PCNX2: variants seen among roughly 807,000 people sequenced by gnomAD.
PCNX2 encodes the protein pecanex-like protein 2.
In PCNX2, 168 loss-of-function variants were observed where a neutral mutation model predicts 223.8. The ratio of observed to expected loss-of-function variants is 0.75; its 90% CI spans 0.66 to 0.85. The LOEUF (loss-of-function observed/expected upper bound fraction) is 0.85. Among genes scored for constraint, PCNX2 ranks in the 40% least tolerant of loss-of-function variants. The pLI is 0.00. For missense variants in PCNX2, 2,507 were observed against 2,675.5 expected (o/e 0.94, Z 1.39); for synonymous variants, 1,006 against 1,052.6 (o/e 0.96, Z 0.86).
Position 233,090,156 on chromosome 1 carries a change from T to C in PCNX2, c.3981A>G (p.Thr1327=). 6.2e-7 allele frequency: 1 copy of C among 1,613,812 alleles called. No homozygotes were observed. Among genetic ancestry groups the C allele is most frequent in the Non-Finnish European group, 8.5e-7 (1 of 1,179,800 alleles). The change falls in exon 23 of 34, where the codon ACA becomes ACG. Residue 1327 remains threonine (T), a synonymous_variant. Coordinates refer to ENST00000258229, the MANE Select transcript of PCNX2 (RefSeq NM_014801.4). ...GGCTCAATGGGGTAGAAAAGATTGATGTGGCAATCGTCTGAAAGAAAAGCA... is the reference window on the plus strand; with the variant it reads ...GGCTCAATGGGGTAGAAAAGATTGACGTGGCAATCGTCTGAAAGAAAAGCA... The part of the protein sequence containing the change: ...SAMLFFQTIA[T]SIFSTPLSPF...
intron 25 of PCNX2, among the ~76,000 whole-genome samples, chr1:233,030,730 T>G (rs1395603644): frequency 6.6e-6 from 1 of 152,264 alleles, no homozygotes; most frequent in Non-Finnish European, 1.5e-5. Flanking sequence ...CAGCAAGGTC[T>G]CCTCACTGGC....
the PCNX2 span, among the ~76,000 whole-genome samples, chr1:233,324,507 G>T: frequency 6.6e-6 from 1 of 151,564 alleles, no homozygotes; most frequent in Non-Finnish European, 1.5e-5. Flanking sequence ...GGGCCCTTAA[G>T]AATTATGCTA....
intron 12 of PCNX2, among the ~76,000 whole-genome samples, chr1:233,211,509 A>G (rs555652873): frequency 6.6e-6 from 1 of 152,260 alleles, no homozygotes; most frequent in African/African-American, 2.4e-5. Flanking sequence ...CATCCCAGAC[A>G]CTGAGTGTCC....
chr1:233,271,471 C>T (rs545005405), intron 1 of PCNX2, among the ~76,000 whole-genome samples: 91 of 152,238 alleles, frequency 6.0e-4, no homozygotes, highest in African/African-American at 2.2e-3. Context: ...GCCCTCAAAC[C>T]CAAATGATAT....
chr1:233,110,556 G>C (rs1284471268), intron 21 of PCNX2, among the ~76,000 whole-genome samples: 1 of 151,682 alleles, frequency 6.6e-6, no homozygotes, highest in Non-Finnish European at 1.5e-5. Context: ...GAAAACTTCA[G>C]GTCAGAAACT....
intron 1 of PCNX2, among the ~76,000 whole-genome samples, chr1:233,280,380 C>A (rs1323096338): frequency 6.6e-6 from 1 of 150,842 alleles, no homozygotes; most frequent in African/African-American, 2.4e-5. Flanking sequence ...TCACTGCAAC[C>A]TCTGCCTCCT....
chr1:233,324,521 C>T, the PCNX2 span, among the ~76,000 whole-genome samples: 1 of 151,896 alleles, frequency 6.6e-6, no homozygotes, highest in East Asian at 1.9e-4. Flanking sequence ...TATGCTAAAT[C>T]TACTCTGCTT....
upstream of PCNX2, among the ~76,000 whole-genome samples, chr1:233,295,945 C>T (rs1192351190): frequency 1.6e-4 from 23 of 146,470 alleles, no homozygotes; most frequent in African/African-American, 5.1e-4. The surrounding 1 kb of genome is among the most constrained non-coding windows in gnomAD (Gnocchi z 4.1). Context: ...TTCCTTCCTT[C>T]CTTCCTTTCT....
chr1:233,006,885 A>T (rs1670304358), intron 28 of PCNX2, among the ~76,000 whole-genome samples: 1 of 151,972 alleles, frequency 6.6e-6, no homozygotes, highest in South Asian at 2.1e-4. Context: ...AAATACTCAG[A>T]GTGTGTGTGC....
In PCNX2 at chr1:233,208,562, A is replaced by G; in HGVS notation, c.2819T>C (p.Leu940Pro). 3 of 1,613,892 alleles carry G rather than the reference A, an allele frequency of 1.9e-6. No individual in the cohort carries two copies. The highest frequency in any genetic ancestry group is 2.5e-6 in the Non-Finnish European group (3 of 1,179,844). Reference sequence around the variant, plus strand: ...TGATTGTAGAAACACTGGAGAGAAGAGCTTCAGGCCATACACAACGTAACT... The same window carrying G: ...TGATTGTAGAAACACTGGAGAGAAGGGCTTCAGGCCATACACAACGTAACT... ...PPSYVVYGLK[L>P]FSPVFLQSAR... Residue 940 changes from leucine (L) to proline (P), a missense_variant, in exon 13 of 34, where the codon CTC becomes CCC. By Grantham distance (98) the Leu-to-Pro change is moderately conservative. Coordinates refer to ENST00000258229, the MANE Select transcript of PCNX2 (RefSeq NM_014801.4).
At chr1:233,033,123 C>G in intron 25 of PCNX2, 1 of 985,440 alleles carries the variant, frequency 1.0e-6, no homozygotes, top group Non-Finnish European at 1.2e-6. Flanking sequence ...GCTGGCAAGG[C>G]TGTCTCTGTC....
intron 32 of PCNX2, among the ~76,000 whole-genome samples, chr1:232,987,971 G>A (rs1669552876): frequency 6.6e-6 from 1 of 152,236 alleles, no homozygotes; most frequent in East Asian, 1.9e-4. Context: ...TCCCTGGGAT[G>A]AGTGTGCTCA....
At chr1:233,020,361 A>G (rs746995674) in intron 26 of PCNX2, among the ~76,000 whole-genome samples, 1 of 152,266 alleles carries the variant, frequency 6.6e-6, no homozygotes, top group Non-Finnish European at 1.5e-5. Context: ...TGAACACTGT[A>G]AAATCCTTCA....
chr1:233,293,538 T>C (rs6656327), intron 1 of PCNX2, among the ~76,000 whole-genome samples: 81,269 of 152,088 alleles, frequency 0.53, 22,101 homozygotes, highest in Admixed American at 0.64. Context: ...ATGCTAATAG[T>C]CTAACTACAG....
intron 8 of PCNX2, among the ~76,000 whole-genome samples, chr1:233,237,948 T>C (rs960478775): frequency 1.3e-5 from 2 of 152,322 alleles, no homozygotes; most frequent in Admixed American, 6.5e-5. Context: ...AATTTTTCTA[T>C]AGTTCTTAAG....
At chr1:233,087,193 T>C (rs1367490674) in intron 23 of PCNX2, 1 of 985,250 alleles carries the variant, frequency 1.0e-6, no homozygotes, top group East Asian at 1.1e-4. Flanking sequence ...ATTAGAGACC[T>C]GCACAAACAA....
chr1:233,066,673 G>A (rs377730706), intron 23 of PCNX2, among the ~76,000 whole-genome samples: 31 of 152,322 alleles, frequency 2.0e-4, no homozygotes, highest in Non-Finnish European at 3.4e-4. Flanking sequence ...GGCCAGTAGC[G>A]CAAACCAAGC....
chr1:233,288,504 C>T (rs893996808), intron 1 of PCNX2, among the ~76,000 whole-genome samples: 5 of 152,240 alleles, frequency 3.3e-5, no homozygotes, highest in South Asian at 4.1e-4. Context: ...AAATCCTGCC[C>T]ACCGACATGC....
intron 25 of PCNX2, among the ~76,000 whole-genome samples, chr1:233,035,862 C>A (rs1359551926): frequency 1.3e-5 from 2 of 152,108 alleles, no homozygotes; most frequent in Non-Finnish European, 2.9e-5. Flanking sequence ...TGAGACAGGG[C>A]TCAGCCCCAG....
Sources: gnomAD v4.1 joint callset for allele counts (sites outside exome capture counted in the v4.1 genomes callset) on GRCh38, gnomAD v4.1.1 for gene constraint, Gnocchi (gnomAD v3.1) non-coding constraint, MANE v1.5 for transcripts, NCBI Gene and HGNC (gene_info 2026-07-23, HGNC 2026-07-21) for gene names.